KIDINS220: variants seen among roughly 807,000 people sequenced by gnomAD.
KIDINS220 encodes the protein kinase D interacting substrate 220.
KIDINS220 carries 63 observed loss-of-function variants against 157.6 expected under a neutral mutation model. That is an observed-to-expected ratio of 0.40 (90% CI 0.33 to 0.49). The LOEUF (loss-of-function observed/expected upper bound fraction) is 0.49. Ranked by LOEUF, KIDINS220 falls within the 20% of genes least tolerant of loss-of-function variation. The probability of loss-of-function intolerance (pLI) is 0.66; values close to 1 mark genes in which losing one functional copy is unlikely to be tolerated. For missense variants in KIDINS220, 1,772 were observed against 2,171.2 expected (o/e 0.82, Z 3.65); for synonymous variants, 732 against 783.6 (o/e 0.93, Z 1.10).
chr2:8,735,819 A>C (rs911476736), intron 27 of KIDINS220, among the ~76,000 whole-genome samples: 3 of 152,200 alleles, frequency 2.0e-5, no homozygotes, highest in East Asian at 1.9e-4. Context: ...AGCACGGAGG[A>C]GGCCAGCGGC....
chr2:8,787,503 G>C (rs1289805282), intron 15 of KIDINS220, among the ~76,000 whole-genome samples: 1 of 151,574 alleles, frequency 6.6e-6, no homozygotes, highest in African/African-American at 2.4e-5. Context: ...CAAGCAGCTA[G>C]AACTACAGGC....
intron 3 of KIDINS220, 99 bp downstream of exon 3, chr2:8,818,596 G>C (rs1280929741): frequency 1.5e-6 from 1 of 668,124 alleles, no homozygotes; most frequent in Non-Finnish European, 2.6e-6. Flanking sequence ...TGAAATATAT[G>C]TAAAAGTTTT....
In KIDINS220 at chr2:8,769,687, C is replaced by T. The variant is rs573764504; in HGVS notation, c.3011+983G>A. Among the ~76,000 whole-genome samples, 7 of 152,208 alleles carry T rather than the reference C, an allele frequency of 4.6e-5. No homozygotes were observed. The South Asian group carries it at 1.0e-3, about 23-fold the overall frequency. ...TACAGCACTTGTATTATAATACAAA[C>T]GTTTATTCACGAAATAAAACCTTGT... On this transcript the variant is annotated intron_variant, in intron 22 of 29. Coordinates refer to ENST00000256707, the MANE Select transcript of KIDINS220 (RefSeq NM_020738.4).
At chr2:8,773,713 C>T (rs1037477761) in intron 21 of KIDINS220, among the ~76,000 whole-genome samples, 1 of 152,082 alleles carries the variant, frequency 6.6e-6, no homozygotes, top group African/African-American at 2.4e-5. Flanking sequence ...CTCAGGTGAT[C>T]CACCTGCCTC....
At chr2:8,793,776 A>G (rs1227998853) in intron 12 of KIDINS220, 34 bp downstream of exon 12, 7 of 1,532,026 alleles carry the variant, frequency 4.6e-6, no homozygotes, top group Non-Finnish European at 6.2e-6. Context: ...TTGATTATTT[A>G]AAAGCTCAGT....
chr2:8,823,744 CA>C (rs1416821763), intron 2 of KIDINS220, among the ~76,000 whole-genome samples: 1 of 152,120 alleles, frequency 6.6e-6, no homozygotes, highest in Non-Finnish European at 1.5e-5. Flanking sequence ...TTGAAACTAT[CA>C]TATGGTTATT....
chr2:8,742,398 CTTG>C (rs1188823569), intron 26 of KIDINS220, among the ~76,000 whole-genome samples: 2 of 152,004 alleles, frequency 1.3e-5, no homozygotes, highest in Admixed American at 6.5e-5. Context: ...CCCATGGGGA[CTTG>C]TTTTCACTTT....
At chr2:8,813,186 T>C (rs761660690) in intron 5 of KIDINS220, 51 bp downstream of exon 5, 1 of 1,252,646 alleles carries the variant, frequency 8.0e-7, no homozygotes, top group East Asian at 2.4e-5. Context: ...AAGTATTCCC[T>C]AAGAAAACTT....
At chr2:8,771,631 A>G (rs1157726641) in intron 21 of KIDINS220, among the ~76,000 whole-genome samples, 19 of 152,144 alleles carry the variant, frequency 1.2e-4, no homozygotes, top group Admixed American at 1.2e-3. Flanking sequence ...TAAGATACCT[A>G]TTTGTTTTAG....
rs1332167632 is a variant in KIDINS220, at chr2:8,733,634, G to A, written c.3863C>T (p.Pro1288Leu). 1 of 1,604,452 alleles carries A rather than the reference G, an allele frequency of 6.2e-7. No homozygotes were observed. Among genetic ancestry groups the A allele is most frequent in the African/African-American group, 1.3e-5 (1 of 74,840 alleles). The change falls in exon 29 of 30, where the codon CCA becomes CTA. Residue 1288 changes from proline to leucine, a missense_variant. Pro to Leu is a moderately conservative substitution (Grantham distance 98, BLOSUM62 -3). Transcript: ENST00000256707. ...ACTGCTGCTCTCACTGAGGAAACGT[G>A]GGTCTTCAGGGACCACGTGGCTTTC... ...NAESHVVPED[P>L]RFLSESSSGP...
At chr2:8,785,054 A>G (rs1035902803) in intron 17 of KIDINS220, among the ~76,000 whole-genome samples, 2 of 152,236 alleles carry the variant, frequency 1.3e-5, no homozygotes, top group Non-Finnish European at 2.9e-5. Context: ...TATCCAGACA[A>G]TGGCACATTA....
intron 17 of KIDINS220, among the ~76,000 whole-genome samples, chr2:8,784,106 G>A (rs1672072552): frequency 6.6e-6 from 1 of 151,588 alleles, no homozygotes; most frequent in African/African-American, 2.4e-5. Context: ...CACAAATATA[G>A]TCAATTGATC....
At chr2:8,809,549 C>A (rs569469494) in intron 6 of KIDINS220, among the ~76,000 whole-genome samples, 2 of 151,736 alleles carry the variant, frequency 1.3e-5, no homozygotes, top group African/African-American at 2.4e-5. Flanking sequence ...CCTTTGCTCA[C>A]CATATTCCGT....
At chr2:8,824,879 G>A (rs755461495) in intron 2 of KIDINS220, among the ~76,000 whole-genome samples, 6 of 152,108 alleles carry the variant, frequency 3.9e-5, no homozygotes, top group Non-Finnish European at 5.9e-5. Flanking sequence ...GCTATAACGT[G>A]GATGAACCTT....
chr2:8,792,893 T>G (rs1225392037), intron 12 of KIDINS220, among the ~76,000 whole-genome samples: 2 of 152,244 alleles, frequency 1.3e-5, no homozygotes, highest in Non-Finnish European at 2.9e-5. Context: ...GCACTAGTTG[T>G]TAGCAAAACA....
Position 8,798,241 on chromosome 2 carries a change from A to C in KIDINS220, c.960T>G (p.Asp320Glu), listed in dbSNP as rs1674227984. Reference protein sequence around the residue: ...VEKGNATMVRDILQCNPDTEI... With the variant: ...VEKGNATMVREILQCNPDTEI... ...CAGTGTCAGGATTGCACTGTAAGAT[A>C]TCTCTCACCATTGTTGCATTTCCTT... The change falls in exon 10 of 30, where the codon GAT becomes GAG. Residue 320 changes from aspartate (D) to glutamate (E), a missense_variant. By Grantham distance (45) the Asp-to-Glu change is conservative. Transcript: ENST00000256707. 1.2e-6 allele frequency: 2 copies of C among 1,612,436 alleles called. No individual in the cohort carries two copies. Among genetic ancestry groups the C allele is most frequent in the Non-Finnish European group, 1.7e-6 (2 of 1,178,708 alleles).
chr2:8,727,007 A>T (rs1348120838), downstream of KIDINS220: 5 of 1,140,264 alleles, frequency 4.4e-6, no homozygotes, highest in Non-Finnish European at 5.9e-6. Flanking sequence ...AGTCTCAACC[A>T]GGGATTCTCA....
chr2:8,831,466 T>C (rs1679615111), intron 1 of KIDINS220, among the ~76,000 whole-genome samples: 1 of 152,122 alleles, frequency 6.6e-6, no homozygotes, highest in Non-Finnish European at 1.5e-5. Context: ...TCTCCACGTA[T>C]ATATGCCTGA....
Position 8,730,815 on chromosome 2 carries a change from T to C in KIDINS220, c.5221A>G (p.Ser1741Gly). 1 of 1,614,258 alleles carries C rather than the reference T, an allele frequency of 6.2e-7. No homozygotes were observed. The highest frequency in any genetic ancestry group is 8.5e-7 in the Non-Finnish European group (1 of 1,180,048). The change falls in exon 30 of 30, where the codon AGT becomes GGT. Residue 1741 changes from serine to glycine, a missense_variant. Transcript: ENST00000256707. Reference sequence around the variant, plus strand: ...GGATCTTTGGAGAGCCTTGTGTAACTTGAACGTTGGCTTCGCTTATGTGTC... The same window carrying C: ...GGATCTTTGGAGAGCCTTGTGTAACCTGAACGTTGGCTTCGCTTATGTGTC... ...SMTHKRSQRS[S>G]YTRLSKDPPE... is the part of the protein sequence containing the mutation.
Sources: allele counts gnomAD v4.1 joint callset (sites outside exome capture counted in the v4.1 genomes callset), GRCh38; gene constraint gnomAD v4.1.1; transcripts MANE v1.5; gene names NCBI Gene and HGNC (gene_info 2026-07-23, HGNC 2026-07-21).